Variants in DOCK10 observed in about 807,000 individuals in gnomAD.
DOCK10 encodes the protein dedicator of cytokinesis 10, also known as dedicator of cytokinesis protein 10.
Under a neutral mutation model 280.1 loss-of-function variants are expected in DOCK10, and 145 were observed. That is an observed-to-expected ratio of 0.52 (90% CI 0.45 to 0.59). The LOEUF is 0.59. Among genes scored for constraint, DOCK10 ranks in the 20% least tolerant of loss-of-function variants. DOCK10 has a pLI of 0.00. For synonymous variants in DOCK10, 915 were observed against 942.2 expected, an observed-to-expected ratio of 0.97 and a Z score of 0.53; for missense variants, 2,368 against 2,651.7, an observed-to-expected ratio of 0.89 and a Z score of 2.35.
At chr2:224,867,248 A>G (rs761238150) in intron 11 of DOCK10, among the ~76,000 whole-genome samples, 3 of 152,216 alleles carry the variant, frequency 2.0e-5, no homozygotes, top group Non-Finnish European at 4.4e-5. Flanking sequence ...GTCCTCCAAC[A>G]GTGAGAATGC....
chr2:224,878,865 C>A (rs1305032400), intron 7 of DOCK10, among the ~76,000 whole-genome samples: 1 of 152,168 alleles, frequency 6.6e-6, no homozygotes, highest in East Asian at 1.9e-4. Flanking sequence ...AAATTTGTAT[C>A]CTCAGTGCTA....
chr2:224,868,966 T>A (rs940012131), intron 11 of DOCK10, among the ~76,000 whole-genome samples: 1 of 152,224 alleles, frequency 6.6e-6, no homozygotes, highest in African/African-American at 2.4e-5. Context: ...AAATACCTAC[T>A]TTGATAACCC....
At chr2:224,818,664 C>T (rs1694311866) in intron 29 of DOCK10, among the ~76,000 whole-genome samples, 1 of 152,172 alleles carries the variant, frequency 6.6e-6, no homozygotes, top group Non-Finnish European at 1.5e-5. Flanking sequence ...TCCCAAAGTG[C>T]TGGGATTACA....
chr2:224,852,741 A>G (rs563042716), intron 17 of DOCK10, among the ~76,000 whole-genome samples, 194 bp downstream of exon 17: 99 of 152,354 alleles, frequency 6.5e-4, no homozygotes, highest in African/African-American at 2.3e-3. Flanking sequence ...GATTATTAAT[A>G]TGCTACGAAA....
Position 224,874,118 on chromosome 2 carries a change from G to T in DOCK10, c.1135C>A (p.Pro379Thr), listed in dbSNP as rs374506514. The change falls in exon 11 of 56, where the codon CCT becomes ACT. Residue 379 changes from proline to threonine, a missense_variant. By Grantham distance (38) the Pro-to-Thr change is conservative. Transcript: ENST00000258390. ...LKLQKKDLLE[P>T]ESVIKPFEEK... ...TCAAATGGTTTGATCACAGACTCAGGTTCCAAGAGATCTTTTTTTTGAAGT... is the reference window on the plus strand; with the variant it reads ...TCAAATGGTTTGATCACAGACTCAGTTTCCAAGAGATCTTTTTTTTGAAGT... 2.5e-6 allele frequency: 4 copies of T among 1,604,586 alleles called. No homozygotes were observed. The East Asian group carries it at 8.9e-5, about 36-fold the overall frequency.
intron 11 of DOCK10, among the ~76,000 whole-genome samples, chr2:224,871,171 A>C (rs1393890466): frequency 2.6e-5 from 4 of 151,952 alleles, no homozygotes; most frequent in Non-Finnish European, 1.5e-5. Flanking sequence ...CTCTCTTTGG[A>C]TATCTAATAG....
intron 31 of DOCK10, among the ~76,000 whole-genome samples, chr2:224,808,371 GA>G (rs1183836004): frequency 2.0e-5 from 3 of 152,132 alleles, no homozygotes; most frequent in African/African-American, 4.8e-5. Flanking sequence ...TTGAGAGGGG[GA>G]AAAACACATT....
intron 27 of DOCK10, among the ~76,000 whole-genome samples, chr2:224,830,289 G>A (rs571284822): frequency 6.6e-6 from 1 of 152,036 alleles, no homozygotes; most frequent in African/African-American, 2.4e-5. Flanking sequence ...TCTTTTTCCT[G>A]TTCCTTTTAT....
intron 39 of DOCK10, 84 bp downstream of exon 39, chr2:224,804,028 G>A: frequency 1.5e-6 from 1 of 681,986 alleles, no homozygotes; most frequent in Non-Finnish European, 2.6e-6. Flanking sequence ...GTGTGTGTGT[G>A]TGTGTCTACC....
intron 1 of DOCK10, among the ~76,000 whole-genome samples, chr2:224,989,587 C>T (rs1706074763): frequency 6.6e-6 from 1 of 152,076 alleles, no homozygotes; most frequent in Non-Finnish European, 1.5e-5. Context: ...GTCAGTAAAA[C>T]CAGGTCATGG....
chr2:224,904,130 C>G (rs16866318), intron 3 of DOCK10, among the ~76,000 whole-genome samples: 1 of 152,072 alleles, frequency 6.6e-6, no homozygotes, highest in East Asian at 1.9e-4. Flanking sequence ...ATGAACACAT[C>G]TAGGCCAAAT....
At chr2:224,843,447 T>G (rs563692219) in intron 22 of DOCK10, among the ~76,000 whole-genome samples, 8 of 152,090 alleles carry the variant, frequency 5.3e-5, no homozygotes, top group Non-Finnish European at 1.2e-4. Flanking sequence ...AGATTGAGTG[T>G]TTTGTGGAAC....
At chr2:224,771,673 A>G (rs1418220195) in intron 53 of DOCK10, among the ~76,000 whole-genome samples, 1 of 152,264 alleles carries the variant, frequency 6.6e-6, no homozygotes, top group Non-Finnish European at 1.5e-5. Flanking sequence ...GCCTGTGACC[A>G]GCAGGCATGG....
intron 1 of DOCK10, among the ~76,000 whole-genome samples, chr2:224,955,500 C>T (rs924257998): frequency 6.6e-6 from 1 of 152,178 alleles, no homozygotes; most frequent in Admixed American, 6.5e-5. Flanking sequence ...GATTGTTAGC[C>T]TAGGTACAAT....
chr2:224,845,763 AC>A (rs1696309507), intron 19 of DOCK10, 121 bp from the exon 20 acceptor site: 4 of 956,192 alleles, frequency 4.2e-6, no homozygotes, highest in Non-Finnish European at 6.2e-6. Context: ...TTACTCTGTC[AC>A]CTACGCTGGA....
At chr2:224,885,383 C>G (rs151198071) in intron 7 of DOCK10, among the ~76,000 whole-genome samples, 592 of 152,318 alleles carry the variant, frequency 3.9e-3, no homozygotes, top group Non-Finnish European at 7.0e-3. Flanking sequence ...TATTCCTTTT[C>G]AACCTCACCA....
In DOCK10 at chr2:224,942,522, C is replaced by T. The variant is rs148401208; in HGVS notation, c.124-10854G>A. ...CATTGCTTCTTTCAGCTAACTGGCTCGTTTCACAACAGCCTAAATAAGCAA... is the reference window on the plus strand; with the variant it reads ...CATTGCTTCTTTCAGCTAACTGGCTTGTTTCACAACAGCCTAAATAAGCAA... On this transcript the variant is annotated intron_variant, in intron 1 of 55. Coordinates refer to ENST00000258390, the MANE Select transcript of DOCK10 (RefSeq NM_014689.3). Among the ~76,000 whole-genome samples the T allele has an allele frequency of 4.6e-3, 701 of 152,256 alleles. 4 individuals are homozygous for T. Among genetic ancestry groups the T allele is most frequent in the African/African-American group, 0.016 (663 of 41,546 alleles).
In DOCK10 at chr2:224,805,323, G is replaced by A; in HGVS notation, c.3937-3C>T. On this transcript the variant is annotated splice_polypyrimidine_tract_variant and splice_region_variant and intron_variant, in intron 35 of 55. Transcript: ENST00000258390. The surrounding 1 kb of genome is among the most constrained non-coding windows in gnomAD (Gnocchi z 4.3). ...ATCAAAGACAAGGGTCTTGGGATCTGGGAATTCAAGAACCAATCAGGATTG... is the reference window on the plus strand; with the variant it reads ...ATCAAAGACAAGGGTCTTGGGATCTAGGAATTCAAGAACCAATCAGGATTG... 2 of 1,612,686 alleles carry A rather than the reference G, an allele frequency of 1.2e-6. No homozygotes were observed. Among genetic ancestry groups the A allele is most frequent in the Non-Finnish European group, 1.7e-6 (2 of 1,179,118 alleles).
chr2:224,950,055 G>A (rs13021690), intron 1 of DOCK10, among the ~76,000 whole-genome samples: 45,456 of 152,108 alleles, frequency 0.3, 7,363 homozygotes, highest in Middle Eastern at 0.36. Context: ...AGTTTCCACT[G>A]TATCCTGAAA....
Sources: allele counts gnomAD v4.1 joint callset (sites outside exome capture counted in the v4.1 genomes callset), GRCh38; gene constraint gnomAD v4.1.1; non-coding constraint Gnocchi (gnomAD v3.1); transcripts MANE v1.5; gene names NCBI Gene and HGNC (gene_info 2026-07-23, HGNC 2026-07-21).